The following INSL6 variants were observed in gnomAD, a reference collection of about 807,000 sequenced individuals.
The protein encoded by INSL6 is insulin-like peptide INSL6.
A neutral mutation model predicts 9.4 loss-of-function variants in INSL6; 16 were observed. That is an observed-to-expected ratio of 1.70 (90% CI 1.15 to 2.59). The LOEUF (loss-of-function observed/expected upper bound fraction) is 2.59, where lower values mean the gene tolerates loss of function less well. INSL6 is among the 30% of genes most tolerant of loss of function. The probability of loss-of-function intolerance (pLI) is 0.00; values close to 1 mark genes in which losing one functional copy is unlikely to be tolerated. For missense variants in INSL6, 391 were observed against 257.3 expected (o/e 1.52, Z -3.56); for synonymous variants, 154 against 96.9 (o/e 1.59, Z -3.46).
chr9:5,140,522 C>T (rs889690721), intron 2 of INSL6, among the ~76,000 whole-genome samples: 1 of 151,996 alleles, frequency 6.6e-6, no homozygotes, highest in African/African-American at 2.4e-5. Context: ...GTCTTCCTAC[C>T]TTCTCTCATT....
At chr9:5,086,045 C>G in the INSL6 span, 1 of 748,894 alleles carries the variant, frequency 1.3e-6, no homozygotes, top group Non-Finnish European at 2.5e-6. Flanking sequence ...GTGTTAAATG[C>G]TTCACAAGAT....
intron 1 of INSL6, among the ~76,000 whole-genome samples, chr9:5,179,914 T>C (rs374489336): frequency 2.4e-4 from 36 of 152,158 alleles, no homozygotes; most frequent in African/African-American, 7.7e-4. Context: ...ACATAGGTGA[T>C]AGGATGATCT....
the INSL6 span, among the ~76,000 whole-genome samples, chr9:5,042,667 C>G: frequency 1.3e-5 from 2 of 152,154 alleles, no homozygotes; most frequent in African/African-American, 4.8e-5. Context: ...AGGCCGTTTT[C>G]TCAGTGGGAG....
At chr9:5,015,634 G>A in the INSL6 span, among the ~76,000 whole-genome samples, 1 of 151,488 alleles carries the variant, frequency 6.6e-6, no homozygotes, top group Non-Finnish European at 1.5e-5. Context: ...TCGGTCTCCT[G>A]GGCTCAAGTG....
chr9:5,083,546 T>C, the INSL6 span, among the ~76,000 whole-genome samples: 5 of 152,366 alleles, frequency 3.3e-5, no homozygotes, highest in African/African-American at 1.2e-4. Context: ...AATCACAGTC[T>C]TCTGTTGTTT....
chr9:5,088,631 G>T, the INSL6 span, among the ~76,000 whole-genome samples: 1 of 152,066 alleles, frequency 6.6e-6, no homozygotes, highest in Non-Finnish European at 1.5e-5. Flanking sequence ...CCATAGACTG[G>T]GTAGCTTAAA....
chr9:5,116,605 C>G, the INSL6 span, among the ~76,000 whole-genome samples: 1 of 152,054 alleles, frequency 6.6e-6, no homozygotes, highest in Non-Finnish European at 1.5e-5. Context: ...TATGAAGATT[C>G]AGAGATTTGG....
At chr9:5,006,075 G>T in the INSL6 span, among the ~76,000 whole-genome samples, 22 of 152,152 alleles carry the variant, frequency 1.4e-4, 1 homozygote, top group East Asian at 5.8e-4. Flanking sequence ...ATCTATAAAT[G>T]ACCTTGGGCA....
At chr9:5,070,522 A>T in the INSL6 span, among the ~76,000 whole-genome samples, 1 of 152,100 alleles carries the variant, frequency 6.6e-6, no homozygotes, top group Non-Finnish European at 1.5e-5. Flanking sequence ...CTCTATATAC[A>T]TGGGTTTTGC....
chr9:5,069,670 C>T, the INSL6 span, among the ~76,000 whole-genome samples: 1 of 151,880 alleles, frequency 6.6e-6, no homozygotes, highest in South Asian at 2.1e-4. Context: ...AATGAAATAA[C>T]TGGCAGGAAT....
chr9:5,041,626 T>G, the INSL6 span: 1 of 500,614 alleles, frequency 2.0e-6, no homozygotes, highest in Middle Eastern at 4.8e-4. Context: ...ATGCGGCGCC[T>G]GGACTTTGAG....
intron 3 of INSL6, among the ~76,000 whole-genome samples, chr9:5,124,803 T>A (rs1404229900): frequency 6.6e-6 from 1 of 151,576 alleles, no homozygotes; most frequent in Non-Finnish European, 1.5e-5. Context: ...GAACATACAT[T>A]CAAGTTTTTT....
the INSL6 span, among the ~76,000 whole-genome samples, chr9:5,017,980 G>T: frequency 2.6e-5 from 4 of 152,118 alleles, no homozygotes; most frequent in African/African-American, 9.7e-5. Context: ...TTCAGTCTAT[G>T]TGTATCTTTA....
chr9:5,046,185 G>C, the INSL6 span, among the ~76,000 whole-genome samples: 1 of 152,110 alleles, frequency 6.6e-6, no homozygotes, highest in East Asian at 1.9e-4. Context: ...TCTTTGCAGA[G>C]ATGTTGCTTG....
chr9:5,106,855 C>T, the INSL6 span, among the ~76,000 whole-genome samples: 7 of 152,112 alleles, frequency 4.6e-5, no homozygotes, highest in Admixed American at 1.3e-4. Flanking sequence ...ACAATGAGAA[C>T]ACTTGGACAC....
At position 5,166,314 on chromosome 9, in the gene INSL6, T is replaced by TCC. The variant is rs200663498; in HGVS notation, c.290-2051_290-2050dup. ...TTGTTTGTTTTTATAATAACTACTA[T>TCC]CCCCTTTTATCTTGAGGTTATTTAG... On this transcript the variant is annotated intron_variant, in intron 1 of 1. Coordinates refer to ENST00000381641, the MANE Select transcript of INSL6 (RefSeq NM_007179.3). 4.5e-3 allele frequency among the ~76,000 whole-genome samples: 684 copies of TCC among 152,322 alleles called. 7 individuals carry two copies. The highest frequency in any genetic ancestry group is 0.027 in the East Asian group (142 of 5,194).
the INSL6 span, among the ~76,000 whole-genome samples, chr9:5,035,421 A>G: frequency 6.6e-6 from 1 of 152,176 alleles, no homozygotes; most frequent in Non-Finnish European, 1.5e-5. Flanking sequence ...CCTGGCAGAG[A>G]CACAACCAAA....
intron 2 of INSL6, among the ~76,000 whole-genome samples, chr9:5,140,291 A>C (rs1041458208): frequency 1.3e-5 from 2 of 152,136 alleles, no homozygotes; most frequent in Admixed American, 1.3e-4. Context: ...AGAACTCATC[A>C]TATTTTCTCC....
the INSL6 span, among the ~76,000 whole-genome samples, chr9:5,005,561 C>G: frequency 6.6e-6 from 1 of 152,012 alleles, no homozygotes; most frequent in Admixed American, 6.6e-5. Flanking sequence ...ATTTAATTTG[C>G]TAGTATTTTG....
Sources: gnomAD v4.1 joint callset for allele counts (sites outside exome capture counted in the v4.1 genomes callset) on GRCh38, gnomAD v4.1.1 for gene constraint, MANE v1.5 for transcripts, NCBI Gene and HGNC (gene_info 2026-07-23, HGNC 2026-07-21) for gene names.